The following FRMD4B variants were observed in gnomAD, a reference collection of about 807,000 sequenced individuals.
FRMD4B encodes FERM domain-containing protein 4B.
In FRMD4B, 74 loss-of-function variants were observed where a neutral mutation model predicts 141.5. The ratio of observed to expected loss-of-function variants is 0.52; its 90% confidence interval spans 0.43 to 0.63. The LOEUF (loss-of-function observed/expected upper bound fraction) is 0.63. Among genes scored for constraint, FRMD4B ranks in the 30% least tolerant of loss-of-function variants. The probability of loss-of-function intolerance (pLI) is 0.00; values close to 1 mark genes in which losing one functional copy is unlikely to be tolerated. For missense variants in FRMD4B, 1,366 were observed against 1,253.4 expected, an observed-to-expected ratio of 1.09 and a Z score of -1.36; for synonymous variants, 506 against 467.9, an observed-to-expected ratio of 1.08 and a Z score of -1.05.
chr3:69,258,692 C>T (rs1465924558), intron 5 of FRMD4B, among the ~76,000 whole-genome samples: 1 of 152,096 alleles, frequency 6.6e-6, no homozygotes, highest in Non-Finnish European at 1.5e-5. Flanking sequence ...GTATACATTA[C>T]TAATATTATT....
At chr3:69,179,684 A>G (rs994286006) in intron 21 of FRMD4B, among the ~76,000 whole-genome samples, 53 of 152,212 alleles carry the variant, frequency 3.5e-4, no homozygotes, top group Admixed American at 2.6e-4. Flanking sequence ...ACTATGTCTC[A>G]CTAAGGTGTC....
At chr3:69,388,049 A>C (rs1704302783), upstream of FRMD4B, among the ~76,000 whole-genome samples, 1 of 152,216 alleles carries the variant, frequency 6.6e-6, no homozygotes, top group African/African-American at 2.4e-5. Context: ...CTGAACTTCA[A>C]AAATGCCCTA....
intron 7 of FRMD4B, among the ~76,000 whole-genome samples, chr3:69,244,090 CA>C (rs1424895577): frequency 6.6e-6 from 1 of 152,018 alleles, no homozygotes; most frequent in Non-Finnish European, 1.5e-5. Flanking sequence ...ATTATTAGCT[CA>C]ACACATAATT....
chr3:69,228,835 T>A (rs1258495407), intron 7 of FRMD4B, among the ~76,000 whole-genome samples: 21 of 141,326 alleles, frequency 1.5e-4, no homozygotes, highest in African/African-American at 1.3e-4. Flanking sequence ...TTCTCTTATT[T>A]AAAAAAAAAA....
intron 1 of FRMD4B, among the ~76,000 whole-genome samples, chr3:69,333,150 C>A (rs1702435236): frequency 6.6e-6 from 1 of 151,984 alleles, no homozygotes; most frequent in East Asian, 1.9e-4. Context: ...GCCTGCCAGT[C>A]CCTGAAGCCT....
intron 19 of FRMD4B, among the ~76,000 whole-genome samples, chr3:69,184,989 C>T (rs2092749493): frequency 6.6e-6 from 1 of 152,190 alleles, no homozygotes. Context: ...AAAGATTTCA[C>T]TGCTCTTTAA....
intron 2 of FRMD4B, among the ~76,000 whole-genome samples, chr3:69,413,539 C>T (rs1284050643): frequency 1.3e-5 from 2 of 152,192 alleles, no homozygotes; most frequent in African/African-American, 4.8e-5. Context: ...ACGGTACCTG[C>T]CCATAGTCAC....
intron 1 of FRMD4B, among the ~76,000 whole-genome samples, chr3:69,319,165 G>C (rs561265355): frequency 9.8e-5 from 15 of 152,320 alleles, no homozygotes; most frequent in African/African-American, 3.6e-4. Flanking sequence ...CCTGACAAGT[G>C]ATGTAACTTG....
intron 1 of FRMD4B, among the ~76,000 whole-genome samples, chr3:69,541,977 C>A (rs1020899711): frequency 6.6e-6 from 1 of 152,082 alleles, no homozygotes; most frequent in Non-Finnish European, 1.5e-5. Context: ...ACCACCAAAG[C>A]GACCAAAGCG....
chr3:69,257,807 G>T (rs780320519), intron 5 of FRMD4B, among the ~76,000 whole-genome samples: 19 of 151,740 alleles, frequency 1.3e-4, no homozygotes, highest in Non-Finnish European at 2.1e-4. Flanking sequence ...GACTACAGGT[G>T]TGTATCACCA....
chr3:69,316,349 T>A (rs1701802621), intron 1 of FRMD4B, among the ~76,000 whole-genome samples: 3 of 152,180 alleles, frequency 2.0e-5, no homozygotes, highest in Non-Finnish European at 4.4e-5. Context: ...GCTTTTTACA[T>A]GTATTATCTC....
intron 1 of FRMD4B, among the ~76,000 whole-genome samples, chr3:69,446,623 G>A (rs1463783865): frequency 1.3e-5 from 2 of 152,116 alleles, no homozygotes; most frequent in Admixed American, 6.6e-5. Flanking sequence ...AGTCACCCGC[G>A]CCAGGCCATG....
In FRMD4B at chr3:69,449,885, G is replaced by A. The variant is rs565945975; in HGVS notation, c.-128-17124C>T. On this transcript the variant is annotated intron_variant, in intron 1 of 5. Coordinates refer to the FRMD4B transcript ENST00000459638. ...AAGACAATCACTCAAACTTTTAGTA[G>A]GGCACTATGATACAGAAACTAAGAG... 4.6e-5 allele frequency among the ~76,000 whole-genome samples: 7 copies of A among 152,218 alleles called. No individual in the cohort carries two copies. In the South Asian group the frequency reaches 1.5e-3, roughly 32 times the overall value.
chr3:69,300,731 TTTTTTG>T (rs948900968), intron 4 of FRMD4B, among the ~76,000 whole-genome samples: 14 of 152,170 alleles, frequency 9.2e-5, no homozygotes, highest in African/African-American at 3.1e-4. Context: ...CCTATTGGTT[TTTTTTG>T]TTTTTGTTTT....
chr3:69,210,768 C>T (rs540891712), intron 11 of FRMD4B, among the ~76,000 whole-genome samples: 27 of 152,184 alleles, frequency 1.8e-4, no homozygotes, highest in African/African-American at 6.0e-4. Flanking sequence ...ATTCCCAGAA[C>T]TTTGGGAGGC....
At chr3:69,397,789 AT>A in intron 2 of FRMD4B, among the ~76,000 whole-genome samples, 2 of 152,202 alleles carry the variant, frequency 1.3e-5, no homozygotes. Flanking sequence ...CTAAAATTAG[AT>A]TATAGTAACG....
Position 69,495,415 on chromosome 3 carries a change from C to T in FRMD4B, c.-129+46791G>A, listed in dbSNP as rs573251256. On this transcript the variant is annotated intron_variant, in intron 1 of 5. Coordinates refer to the FRMD4B transcript ENST00000459638. ...GAGCAATCTGTTGGCTGCACAAATA[C>T]ACCATGGGAAGGCAGGAGGAGAGTT... 1.6e-3 allele frequency among the ~76,000 whole-genome samples: 251 copies of T among 152,318 alleles called. 1 individual carries two copies. The highest frequency in any genetic ancestry group is 5.8e-3 in the African/African-American group (240 of 41,586).
chr3:69,456,216 T>C (rs1705609800), intron 1 of FRMD4B, among the ~76,000 whole-genome samples: 1 of 149,268 alleles, frequency 6.7e-6, no homozygotes, highest in Non-Finnish European at 1.5e-5. Flanking sequence ...CATTTCACTT[T>C]GTCAATTCAT....
intron 1 of FRMD4B, among the ~76,000 whole-genome samples, chr3:69,521,171 G>A (rs1575599309): frequency 6.6e-6 from 1 of 152,098 alleles, no homozygotes; most frequent in Non-Finnish European, 1.5e-5. Context: ...CAGGGCTGCT[G>A]TCCCTCCCAC....
Sources: gnomAD v4.1 joint callset for allele counts (sites outside exome capture counted in the v4.1 genomes callset) on GRCh38, gnomAD v4.1.1 for gene constraint, MANE v1.5 for transcripts, NCBI Gene and HGNC (gene_info 2026-07-23, HGNC 2026-07-21) for gene names.